The following CAST variants were observed in gnomAD, a reference collection of about 807,000 sequenced individuals.
The protein encoded by CAST is calpastatin.
CAST carries 76 observed loss-of-function variants against 119.6 expected under a neutral mutation model. The ratio of observed to expected loss-of-function variants is 0.64; its 90% CI spans 0.53 to 0.77. The LOEUF is 0.77. CAST is among the 30% of genes least tolerant of loss of function. The pLI is 0.00. For missense variants in CAST, 953 were observed against 946.5 expected, an observed-to-expected ratio of 1.01 and a Z score of -0.09; for synonymous variants, 319 against 331.6, an observed-to-expected ratio of 0.96 and a Z score of 0.41.
the CAST span, among the ~76,000 whole-genome samples, chr5:96,116,780 A>G: frequency 6.6e-6 from 1 of 152,310 alleles, no homozygotes; most frequent in South Asian, 2.1e-4. Context: ...AAAATTGGGT[A>G]GTGTATCTTC....
the CAST span, among the ~76,000 whole-genome samples, chr5:96,027,009 G>A: frequency 6.6e-6 from 1 of 152,030 alleles, no homozygotes; most frequent in Non-Finnish European, 1.5e-5. Context: ...CCAAGAGTTT[G>A]AGACCAGCCT....
chr5:96,544,520 T>C (rs1032628115), intron 1 of CAST, among the ~76,000 whole-genome samples: 1 of 152,194 alleles, frequency 6.6e-6, no homozygotes, highest in Non-Finnish European at 1.5e-5. Context: ...GTACAGTTCC[T>C]GTACTATCTG....
the CAST span, among the ~76,000 whole-genome samples, chr5:96,425,008 AAAAGAAAG>A: frequency 0.076 from 8,929 of 117,282 alleles, 395 homozygotes; most frequent in Middle Eastern, 0.096. Context: ...AGAAAGAAAG[AAAAGAAAG>A]AAAGAAAGAA....
chr5:96,106,463 C>T, the CAST span, among the ~76,000 whole-genome samples: 1 of 152,046 alleles, frequency 6.6e-6, no homozygotes, highest in Non-Finnish European at 1.5e-5. Context: ...TTTATTTCTG[C>T]CTTCATTTCA....
the CAST span, among the ~76,000 whole-genome samples, chr5:96,148,966 C>G: frequency 6.6e-6 from 1 of 152,182 alleles, no homozygotes; most frequent in African/African-American, 2.4e-5. Context: ...GTCTAAATTT[C>G]TATTGCAGAA....
At position 96,754,057 on chromosome 5, in the gene CAST, C is replaced by G; in HGVS notation, c.1525-3C>G. On this transcript the variant is annotated splice_region_variant and splice_polypyrimidine_tract_variant and intron_variant, in intron 20 of 31. Transcript: ENST00000675179. ...CTTAATATATCCACTAATGCACTTT[C>G]AGAAGGGCACAGTGCCAGATGATGC... The G allele has an allele frequency of 6.3e-7, 1 of 1,598,786 alleles. No individual in the cohort carries two copies. Among genetic ancestry groups the G allele is most frequent in the South Asian group, 1.1e-5 (1 of 90,762 alleles).
the CAST span, among the ~76,000 whole-genome samples, chr5:96,121,388 C>T: frequency 6.6e-6 from 1 of 151,646 alleles, no homozygotes; most frequent in South Asian, 2.1e-4. Flanking sequence ...TCTTCAGGAT[C>T]TAATCCTTTC....
At chr5:96,575,366 C>T (rs751837475) in intron 1 of CAST, among the ~76,000 whole-genome samples, 5 of 152,024 alleles carry the variant, frequency 3.3e-5, no homozygotes, top group Non-Finnish European at 7.4e-5. Flanking sequence ...TAATTTTATT[C>T]TTTTTCAATC....
chr5:96,429,370 T>C, the CAST span: 1 of 984,288 alleles, frequency 1.0e-6, no homozygotes, highest in East Asian at 2.4e-5. Flanking sequence ...CAAGTATATA[T>C]GGACTAGTTT....
the CAST span, among the ~76,000 whole-genome samples, chr5:96,180,868 C>T: frequency 2.6e-5 from 4 of 152,344 alleles, no homozygotes; most frequent in African/African-American, 7.2e-5. Context: ...CTTCCCTGAT[C>T]TGCTGGAAGG....
chr5:96,431,331 T>C, the CAST span, among the ~76,000 whole-genome samples: 1 of 152,250 alleles, frequency 6.6e-6, no homozygotes, highest in African/African-American at 2.4e-5. Context: ...AACCTTTGAC[T>C]TCTGTTCCCG....
chr5:96,467,823 C>T, the CAST span, among the ~76,000 whole-genome samples: 1 of 151,906 alleles, frequency 6.6e-6, no homozygotes, highest in Non-Finnish European at 1.5e-5. Context: ...AAAAACAATA[C>T]GGAGATTTCT....
At chr5:96,001,960 C>T in the CAST span, among the ~76,000 whole-genome samples, 2 of 152,306 alleles carry the variant, frequency 1.3e-5, no homozygotes, top group South Asian at 2.1e-4. Context: ...GAGAACCCCT[C>T]GAATTCTTCT....
Position 96,555,892 on chromosome 5 carries a change from C to T in CAST, c.60+26012C>T, listed in dbSNP as rs552535692. ...GAAGAGAGTAGTGGTTCTCCCAGCA[C>T]GCAGCTGGAGATCTGAGAACGGACA... On this transcript the variant is annotated intron_variant, in intron 1 of 11. Transcript: ENST00000505143. Among the ~76,000 whole-genome samples the T allele has an allele frequency of 5.6e-4, 85 of 151,766 alleles. No individual in the cohort carries two copies. The East Asian group carries it at 6.8e-3, about 12-fold the overall frequency.
At chr5:96,479,626 T>C in the CAST span, among the ~76,000 whole-genome samples, 7 of 152,176 alleles carry the variant, frequency 4.6e-5, no homozygotes, top group African/African-American at 1.4e-4. Context: ...ATTTTTGTGT[T>C]TTGAGTAGGG....
intron 1 of CAST, among the ~76,000 whole-genome samples, chr5:96,613,164 T>C (rs183784): frequency 6.6e-6 from 1 of 152,112 alleles, no homozygotes; most frequent in Non-Finnish European, 1.5e-5. Context: ...TTTCAGAATT[T>C]TCTATTCCTA....
At chr5:96,681,716 G>C (rs1751441650) in intron 2 of CAST, among the ~76,000 whole-genome samples, 2 of 126,782 alleles carry the variant, frequency 1.6e-5, no homozygotes, top group South Asian at 2.6e-4. Context: ...CTGGGCGACA[G>C]AGCGAGACTC....
At chr5:96,597,239 A>T (rs866888532) in intron 1 of CAST, among the ~76,000 whole-genome samples, 2 of 152,254 alleles carry the variant, frequency 1.3e-5, no homozygotes, top group Non-Finnish European at 2.9e-5. Context: ...TGCATTCTCA[A>T]GACTTTCCTA....
At chr5:96,122,829 A>G in the CAST span, among the ~76,000 whole-genome samples, 1 of 151,880 alleles carries the variant, frequency 6.6e-6, no homozygotes, top group South Asian at 2.1e-4. Flanking sequence ...TTGTGTTTTT[A>G]TTTTATGTCT....
Sources: allele counts gnomAD v4.1 joint callset (sites outside exome capture counted in the v4.1 genomes callset), GRCh38; gene constraint gnomAD v4.1.1; transcripts MANE v1.5; gene names NCBI Gene and HGNC (gene_info 2026-07-23, HGNC 2026-07-21).